CTSD: variants seen among roughly 807,000 people sequenced by gnomAD.
CTSD encodes the protein ceroid-lipofuscinosis, neuronal 10.
A neutral mutation model predicts 43.6 loss-of-function variants in CTSD; 28 were observed. That is an observed-to-expected ratio of 0.64 (90% CI 0.48 to 0.88). The LOEUF is 0.88. Among genes scored for constraint, CTSD ranks in the 40% least tolerant of loss-of-function variants. The pLI is 0.00. For synonymous variants in CTSD, 270 were observed against 249.8 expected (o/e 1.08, Z -0.76); for missense variants, 485 against 555.2 (o/e 0.87, Z 1.27).
In CTSD at chr11:1,754,965, C is replaced by G; in HGVS notation, c.768G>C (p.Lys256Asn). ...TGACATTCAGGTAGGACAGAGAACC[C>G]TTGTAATACTTGGAGTCTGTGCCAC... is the stretch of plus-strand genomic sequence containing the variant. ...MLGGTDSKYY[K>N]GSLSYLNVTR... The change falls in exon 6 of 9, where the codon AAG (lysine) becomes AAC (asparagine). Residue 256 changes from lysine (K) to asparagine (N), a missense_variant. Coordinates refer to ENST00000236671, the MANE Select transcript of CTSD (RefSeq NM_001909.5). The G allele has an allele frequency of 6.2e-7, 1 of 1,613,918 alleles. No homozygotes were observed. Among genetic ancestry groups the G allele is most frequent in the Non-Finnish European group, 8.5e-7 (1 of 1,179,888 alleles).
chr11:1,757,866 C>A, intron 4 of CTSD: 1 of 452,926 alleles, frequency 2.2e-6, no homozygotes, highest in South Asian at 2.1e-5. Context: ...CCACCAATGA[C>A]AGGCAGGTCC....
chr11:1,763,751 G>T, intron 1 of CTSD, 41 bp downstream of exon 1: 1 of 1,502,170 alleles, frequency 6.7e-7, no homozygotes, highest in South Asian at 1.2e-5. Flanking sequence ...TCGGCGCCGC[G>T]ACCCCTGCCC....
Position 1,752,971 on chromosome 11 carries a change from C to T in CTSD, c.*532G>A. The stretch of plus-strand genomic sequence containing the variant: ...GGGTTTTGTCCCCTCTCACTCCTTC[C>T]AGCTCATCCTCAGGCCTCTAGCGGC... On this transcript the variant is annotated 3_prime_UTR_variant, in exon 9 of 9. Transcript: ENST00000236671. 1 of 214,662 alleles carries T rather than the reference C, an allele frequency of 4.7e-6. No homozygotes were observed. Among genetic ancestry groups the T allele is most frequent in the East Asian group, 1.2e-4 (1 of 8,134 alleles). The allele number at this position is 214,662 out of a possible 1,614,324, so 13.3% of individuals were successfully genotyped here.
chr11:1,763,581 C>G lies in CTSD; in HGVS notation c.68+211G>C, dbSNP rs1450076866. On this transcript the variant is annotated intron_variant, in intron 1 of 8. Coordinates refer to ENST00000236671, the MANE Select transcript of CTSD (RefSeq NM_001909.5). The stretch of plus-strand genomic sequence containing the variant: ...TATGGGGGAGAGGCATCTGGCGCCT[C>G]TGCCCCGGGTCCCCTGCACCTCCGG... The G allele has an allele frequency of 1.3e-5, 7 of 523,228 alleles. No individual in the cohort carries two copies. In the African/African-American group the frequency reaches 1.4e-4, roughly 11 times the overall value. 32.4% of individuals were successfully genotyped at this position (523,228 alleles called of 1,614,324 possible). A position where few individuals can be genotyped will look rare whatever the true frequency, so the allele number is the denominator to read the frequency against.
Position 1,755,917 on chromosome 11 carries a change from AACATGCTTTCAG to A in CTSD, c.705-901_705-890del, listed in dbSNP as rs541472093. 1.4e-4 allele frequency among the ~76,000 whole-genome samples: 22 copies of A among 151,960 alleles called. No homozygotes were observed. In the South Asian group the frequency reaches 4.6e-3, roughly 32 times the overall value. ...CCTCCCACCCCTCCTCTCCTCACCA[AACATGCTTTCAG>A]AAGCCCTCAGACCCTCCCTCCTGCC... On this transcript the variant is annotated intron_variant, in intron 5 of 8. Coordinates refer to ENST00000236671, the MANE Select transcript of CTSD (RefSeq NM_001909.5).
Position 1,754,889 on chromosome 11 carries a change from C to T in CTSD, c.827+17G>A, listed in dbSNP as rs1421993230. ...CGCCCACAGAACCCAGGGGAGCCGACTGCAGCCACTACTCACTGGTCCAGG... is the reference window on the plus strand; with the variant it reads ...CGCCCACAGAACCCAGGGGAGCCGATTGCAGCCACTACTCACTGGTCCAGG... On this transcript the variant is annotated intron_variant, in intron 6 of 8. Coordinates refer to ENST00000236671, the MANE Select transcript of CTSD (RefSeq NM_001909.5). The T allele has an allele frequency of 9.9e-6, 16 of 1,613,508 alleles. No individual in the cohort carries two copies. The highest frequency in any genetic ancestry group is 1.4e-5 in the Non-Finnish European group (16 of 1,179,862).
rs80342185 is a variant in CTSD at position 1,756,849 on chromosome 11, G to A, written c.704+475C>T. ...GCTGGGGACGCCCACAGAGCTGCTC[G>A]CAGCGTGGTGCCGGGGACCCATACG... On this transcript the variant is annotated intron_variant, in intron 5 of 8. Coordinates refer to ENST00000236671, the MANE Select transcript of CTSD (RefSeq NM_001909.5). 4.3e-3 allele frequency among the ~76,000 whole-genome samples: 653 copies of A among 152,286 alleles called. 4 individuals are homozygous for A. Among genetic ancestry groups the A allele is most frequent in the Non-Finnish European group, 8.2e-3 (558 of 68,000 alleles).
chr11:1,753,613 G>T lies in CTSD; in HGVS notation c.1129C>A (p.Pro377Thr), dbSNP rs1412376424. ...AGGATCCAGAGTGGCCCGCTGGGTGGCGGGATGTCCATGCCCATGAAGCCG... is the reference window on the plus strand; with the variant it reads ...AGGATCCAGAGTGGCCCGCTGGGTGTCGGGATGTCCATGCCCATGAAGCCG... ...LSGFMGMDIP[P>T]PSGPLWILGD... The change falls in exon 9 of 9, where the codon CCA becomes ACA. Residue 377 changes from proline (P) to threonine (T), a missense_variant. Transcript: ENST00000236671. 6.2e-7 allele frequency: 1 copy of T among 1,612,852 alleles called. No individual in the cohort carries two copies. Among genetic ancestry groups the T allele is most frequent in the Admixed American group, 1.7e-5 (1 of 60,008 alleles).
chr11:1,759,308 G>A (rs1845846439), intron 3 of CTSD, among the ~76,000 whole-genome samples: 1 of 152,200 alleles, frequency 6.6e-6, no homozygotes, highest in East Asian at 1.9e-4. Flanking sequence ...TCCCTCTGTG[G>A]CCACCCCAGC....
chr11:1,759,216 A>G, intron 3 of CTSD, 129 bp from the exon 4 acceptor site: 4 of 892,162 alleles, frequency 4.5e-6, no homozygotes, highest in South Asian at 4.0e-5. Flanking sequence ...TGGGATTTGG[A>G]GGGGATCTGA....
chr11:1,753,908 G>A lies in CTSD; in HGVS notation c.973-7C>T, dbSNP rs747529123. On this transcript the variant is annotated splice_region_variant and splice_polypyrimidine_tract_variant and intron_variant, in intron 7 of 8. Transcript: ENST00000236671. ...TCTCACAGGGGATCATGTACTAAGA[G>A]GGGTCACAGCAGTGTCAGGGTGGTA... 12 of 1,613,046 alleles carry A rather than the reference G, an allele frequency of 7.4e-6. No homozygotes were observed. The East Asian group carries it at 2.0e-4, about 27-fold the overall frequency.
intron 6 of CTSD, among the ~76,000 whole-genome samples, chr11:1,754,647 TG>T: frequency 8.3e-6 from 1 of 120,664 alleles, no homozygotes; most frequent in East Asian, 2.6e-4. Flanking sequence ...ACAGAAGGGA[TG>T]GTGGGTCATG....
intron 5 of CTSD, among the ~76,000 whole-genome samples, chr11:1,756,671 G>A (rs1164278045): frequency 6.6e-6 from 1 of 151,866 alleles, no homozygotes; most frequent in East Asian, 1.9e-4. Context: ...CCCGAGAAGA[G>A]GAAACTAACT....
chr11:1,754,553 G>GATGGAGGGATGGAGGGT (rs1845782620), intron 6 of CTSD, among the ~76,000 whole-genome samples: 1 of 115,062 alleles, frequency 8.7e-6, no homozygotes, highest in Non-Finnish European at 1.9e-5. Context: ...GGATGGAGGG[G>GATGGAGGGATGGAGGGT]ATGGAGGGAT....
At chr11:1,754,221 C>T in intron 6 of CTSD, 83 bp from the exon 7 acceptor site, 1 of 1,498,760 alleles carries the variant, frequency 6.7e-7, no homozygotes, top group Non-Finnish European at 9.0e-7. Context: ...GAGCCCCTCC[C>T]CTGGCTGGGC....
intron 4 of CTSD, 34 bp downstream of exon 4, chr11:1,758,935 C>A: frequency 1.4e-6 from 2 of 1,471,728 alleles, no homozygotes; most frequent in Non-Finnish European, 9.5e-7. Context: ...CCCTGGCACC[C>A]TCGAGTCCTG....
intron 8 of CTSD, 60 bp downstream of exon 8, chr11:1,753,743 A>G (rs554478688): frequency 4.4e-6 from 7 of 1,606,352 alleles, no homozygotes; most frequent in African/African-American, 1.3e-5. Flanking sequence ...GCTCACCTGG[A>G]GCGTGCGCCC....
At chr11:1,757,619 A>G (rs1845825865) in intron 4 of CTSD, 63 bp from the exon 5 acceptor site, 3 of 1,363,752 alleles carry the variant, frequency 2.2e-6, no homozygotes, top group Admixed American at 3.8e-5. Context: ...CTCCCTGAGC[A>G]TGAGGCTACA....
At chr11:1,763,556 T>A in intron 1 of CTSD, 1 of 499,892 alleles carries the variant, frequency 2.0e-6, no homozygotes, top group Non-Finnish European at 3.5e-6. Context: ...CAGGGTGGCA[T>A]ATGGGGGAGA....
Sources: gnomAD v4.1 joint callset for allele counts (sites outside exome capture counted in the v4.1 genomes callset) on GRCh38, gnomAD v4.1.1 for gene constraint, MANE v1.5 for transcripts, NCBI Gene and HGNC (gene_info 2026-07-23, HGNC 2026-07-21) for gene names.